The following PLA2G2C variants were observed in gnomAD, a reference collection of about 807,000 sequenced individuals.
PLA2G2C encodes the protein putative inactive group IIC secretory phospholipase A2.
A neutral mutation model predicts 14.3 loss-of-function variants in PLA2G2C; 15 were observed. That is an observed-to-expected ratio of 1.05 (90% CI 0.70 to 1.62). PLA2G2C has a LOEUF of 1.62. PLA2G2C is among the 40% of genes most tolerant of loss of function. The pLI is 0.00. For synonymous variants in PLA2G2C, 79 were observed against 67.7 expected (o/e 1.17, Z -0.82); for missense variants, 162 against 173.2 (o/e 0.94, Z 0.36).
At chr1:20,173,274 C>G (rs942898982) in intron 3 of PLA2G2C, among the ~76,000 whole-genome samples, 1 of 151,974 alleles carries the variant, frequency 6.6e-6, no homozygotes, top group East Asian at 1.9e-4. Context: ...TCTGATTGAG[C>G]CTCTCCACCC....
chr1:20,173,010 C>A, intron 3 of PLA2G2C, 113 bp from the exon 4 acceptor site: 2 of 706,210 alleles, frequency 2.8e-6, no homozygotes, highest in South Asian at 1.8e-5. Flanking sequence ...GGTGAATTAT[C>A]AATAATATTA....
intron 4 of PLA2G2C, among the ~76,000 whole-genome samples, chr1:20,167,344 T>G (rs1382215239): frequency 1.3e-5 from 2 of 152,160 alleles, no homozygotes; most frequent in Non-Finnish European, 2.9e-5. Flanking sequence ...AAACTCTTGC[T>G]GTCTTCATCA....
intron 4 of PLA2G2C, among the ~76,000 whole-genome samples, chr1:20,167,391 G>A (rs2017996882): frequency 6.6e-6 from 1 of 152,074 alleles, no homozygotes; most frequent in Non-Finnish European, 1.5e-5. Context: ...TCAGTATTTG[G>A]TGCCACTATC....
chr1:20,170,080 C>T (rs930652421), intron 4 of PLA2G2C, among the ~76,000 whole-genome samples: 4 of 152,262 alleles, frequency 2.6e-5, no homozygotes, highest in African/African-American at 7.2e-5. Flanking sequence ...TGCTTAACCT[C>T]TCTGAGCCCC....
intron 2 of PLA2G2C, among the ~76,000 whole-genome samples, chr1:20,176,436 A>G (rs576242514): frequency 2.0e-5 from 3 of 152,326 alleles, no homozygotes; most frequent in African/African-American, 7.2e-5. Flanking sequence ...AAATACAACA[A>G]AGACATGAAC....
chr1:20,175,241 G>T, intron 2 of PLA2G2C, 96 bp from the exon 3 acceptor site: 2 of 1,561,594 alleles, frequency 1.3e-6, no homozygotes, highest in African/African-American at 1.4e-5. Context: ...CTGAGCATTC[G>T]AAATATCACC....
At chr1:20,185,446 G>A (rs1465363784) in intron 1 of PLA2G2C, among the ~76,000 whole-genome samples, 1 of 152,174 alleles carries the variant, frequency 6.6e-6, no homozygotes. Flanking sequence ...CAATGGACAG[G>A]AAACCCAAAG....
At chr1:20,173,126 T>G (rs865816292) in intron 3 of PLA2G2C, among the ~76,000 whole-genome samples, 1 of 148,344 alleles carries the variant, frequency 6.7e-6, no homozygotes, top group African/African-American at 2.5e-5. Flanking sequence ...CTGGGCAACA[T>G]AGGGAGACCG....
chr1:20,185,923 G>C (rs946175687), intron 1 of PLA2G2C, among the ~76,000 whole-genome samples: 4 of 152,202 alleles, frequency 2.6e-5, no homozygotes, highest in Non-Finnish European at 5.9e-5. Flanking sequence ...GTCGCCTCCA[G>C]GCCAGGCAAT....
intron 2 of PLA2G2C, among the ~76,000 whole-genome samples, chr1:20,175,581 T>C (rs995427371): frequency 5.9e-5 from 9 of 152,072 alleles, no homozygotes; most frequent in Non-Finnish European, 1.2e-4. Context: ...GCAGGAAAGG[T>C]ATCCTCAATT....
intron 4 of PLA2G2C, among the ~76,000 whole-genome samples, chr1:20,167,209 A>G (rs983196837): frequency 6.6e-6 from 1 of 152,054 alleles, no homozygotes; most frequent in African/African-American, 2.4e-5. Flanking sequence ...AGAACTCTGA[A>G]TACTCCCAAC....
At chr1:20,174,617 C>T (rs958324737) in intron 3 of PLA2G2C, among the ~76,000 whole-genome samples, 3 of 152,220 alleles carry the variant, frequency 2.0e-5, no homozygotes, top group Non-Finnish European at 4.4e-5. Context: ...GCAGGACCAA[C>T]GGCATAATTG....
At chr1:20,177,980 C>T (rs2018214594) in intron 1 of PLA2G2C, among the ~76,000 whole-genome samples, 1 of 152,164 alleles carries the variant, frequency 6.6e-6, no homozygotes, top group Admixed American at 6.5e-5. Context: ...CTTACAACTC[C>T]TTCTGAGGTT....
intron 3 of PLA2G2C, among the ~76,000 whole-genome samples, chr1:20,173,130 G>A (rs1177589974): frequency 6.6e-6 from 1 of 150,536 alleles, no homozygotes; most frequent in Non-Finnish European, 1.5e-5. Flanking sequence ...GCAACATAGG[G>A]AGACCGCCTA....
intron 4 of PLA2G2C, among the ~76,000 whole-genome samples, chr1:20,165,691 C>T (rs10916713): frequency 0.13 from 20,199 of 151,672 alleles, 1,734 homozygotes; most frequent in East Asian, 0.49. Context: ...TGTGTGCATG[C>T]GCGTGTGTGC....
In PLA2G2C at chr1:20,168,687, G is replaced by A. The variant is rs566217643; in HGVS notation, c.283+4107C>T. Among the ~76,000 whole-genome samples the A allele has an allele frequency of 3.9e-5, 6 of 152,304 alleles. No individual in the cohort carries two copies. In the South Asian group the frequency reaches 8.3e-4, roughly 21 times the overall value. On this transcript the variant is annotated intron_variant, in intron 4 of 4. Transcript: ENST00000679259. ...TGGCAGAGGGAGGCAGTCAGAGGCCGGGAGATGCAGATGATGGAGTTTCAG... is the reference window on the plus strand; with the variant it reads ...TGGCAGAGGGAGGCAGTCAGAGGCCAGGAGATGCAGATGATGGAGTTTCAG...
intron 1 of PLA2G2C, among the ~76,000 whole-genome samples, chr1:20,182,086 A>T (rs1443474739): frequency 6.6e-6 from 1 of 152,214 alleles, no homozygotes; most frequent in Admixed American, 6.5e-5. Context: ...AAGGTGAGTT[A>T]CAGTGTTTGA....
Position 20,175,060 on chromosome 1 carries a change from A to G in PLA2G2C, c.126T>C (p.Tyr42=), listed in dbSNP as rs2018156496. The G allele has an allele frequency of 6.2e-7, 1 of 1,614,038 alleles. No individual in the cohort carries two copies. The highest frequency in any genetic ancestry group is 8.5e-7 in the Non-Finnish European group (1 of 1,179,920). ...GRSAFFSYYG[Y]GCYCGLGDKG... ...TATCCCCAAGCCCACAGTAGCAGCC[A>G]TATCCGTAATATGAGAAGAAGGCAC... Residue 42 remains tyrosine (Y), a synonymous_variant, in exon 3 of 5, where the codon TAT becomes TAC. Transcript: ENST00000679259.
At position 20,172,921 on chromosome 1, in the gene PLA2G2C, C is replaced by T. The variant is rs1311146458; in HGVS notation, c.180-24G>A. On this transcript the variant is annotated intron_variant, in intron 3 of 4. Coordinates refer to ENST00000679259, the MANE Select transcript of PLA2G2C (RefSeq NM_001367969.2). ...GCCTGGAAGTGGGTCCCTCAGGAAT[C>T]TGCTGGAGGACCTTATCTGGGGACT... The T allele has an allele frequency of 1.9e-6, 3 of 1,578,186 alleles. No individual in the cohort carries two copies. In the African/African-American group the frequency reaches 4.1e-5, roughly 21 times the overall value.
Sources: allele counts gnomAD v4.1 joint callset (sites outside exome capture counted in the v4.1 genomes callset), GRCh38; gene constraint gnomAD v4.1.1; transcripts MANE v1.5; gene names NCBI Gene and HGNC (gene_info 2026-07-23, HGNC 2026-07-21).